SOX6: variants seen among roughly 807,000 people sequenced by gnomAD.
SOX6 encodes transcription factor SOX-6.
A neutral mutation model predicts 97.8 loss-of-function variants in SOX6; 11 were observed. The observed-to-expected ratio is 0.11, with a 90% CI of 0.07 to 0.19. The LOEUF (loss-of-function observed/expected upper bound fraction) is 0.19. Among genes scored for constraint, SOX6 ranks in the 10% least tolerant of loss-of-function variants. The pLI, the probability that SOX6 is intolerant of heterozygous loss-of-function variation, is 1.00. For synonymous variants in SOX6, 360 were observed against 371.4 expected, an observed-to-expected ratio of 0.97 and a Z score of 0.35; for missense variants, 810 against 1,039.5, an observed-to-expected ratio of 0.78 and a Z score of 3.04.
In SOX6 at chr11:15,999,100, A is replaced by G. The variant is rs529373885; in HGVS notation, c.1733-9870T>C. Among the ~76,000 whole-genome samples, 24 of 152,266 alleles carry G rather than the reference A, an allele frequency of 1.6e-4. No individual in the cohort carries two copies. In the South Asian group the frequency reaches 4.6e-3, roughly 29 times the overall value. ...TAAAATGGACAATAGACTTAAATGA[A>G]CATTTTACAAAAAAGGATATAGTTA... On this transcript the variant is annotated intron_variant, in intron 13 of 15. Coordinates refer to ENST00000683767, the MANE Select transcript of SOX6 (RefSeq NM_001367873.1).
intron 1 of SOX6, among the ~76,000 whole-genome samples, chr11:16,351,499 G>A (rs1856944746): frequency 6.6e-6 from 1 of 151,946 alleles, no homozygotes; most frequent in Non-Finnish European, 1.5e-5. Flanking sequence ...CCTTCATCAA[G>A]CCACTCTCCT....
intron 3 of SOX6, among the ~76,000 whole-genome samples, chr11:16,271,764 A>C (rs1854267554): frequency 6.6e-6 from 1 of 151,424 alleles, no homozygotes; most frequent in Non-Finnish European, 1.5e-5. Flanking sequence ...TTACTGATCA[A>C]TTTAGTTAAA....
At chr11:16,330,380 C>A (rs1055946760) in intron 2 of SOX6, among the ~76,000 whole-genome samples, 4 of 152,010 alleles carry the variant, frequency 2.6e-5, no homozygotes, top group African/African-American at 9.7e-5. Flanking sequence ...ATGGTGAAAC[C>A]CCGTCTCCAC....
At chr11:16,480,122 C>T (rs1860319017), upstream of SOX6, among the ~76,000 whole-genome samples, 1 of 151,922 alleles carries the variant, frequency 6.6e-6, no homozygotes, top group East Asian at 1.9e-4. Context: ...ATATCAAATA[C>T]TTATGTGAAA....
chr11:16,283,823 CT>C, intron 3 of SOX6: 1 of 355,040 alleles, frequency 2.8e-6, no homozygotes, highest in Non-Finnish European at 5.4e-6. Context: ...ATTTCAGTTA[CT>C]TTTTAAAAAG....
chr11:16,454,475 A>C (rs1166293791), intron 1 of SOX6, among the ~76,000 whole-genome samples: 1 of 152,044 alleles, frequency 6.6e-6, no homozygotes, highest in East Asian at 1.9e-4. Flanking sequence ...TGTACTAGGA[A>C]AGGTAATGTT....
At chr11:16,063,631 T>C (rs1399522234) in intron 9 of SOX6, among the ~76,000 whole-genome samples, 4 of 142,714 alleles carry the variant, frequency 2.8e-5, no homozygotes, top group African/African-American at 1.0e-4. Context: ...CCTTTTCTCA[T>C]TATAAACATA....
rs143882540 is a variant in SOX6, at chr11:16,550,357, C to T, written n.609+61724G>A. Among the ~76,000 whole-genome samples the T allele has an allele frequency of 7.7e-3, 1,177 of 152,022 alleles. 14 individuals carry two copies. The highest frequency in any genetic ancestry group is 0.027 in the African/African-American group (1,102 of 41,452). ...GGAGGGATAGCATTAGGAGATATAC[C>T]TAATGTAAATGACGAGTTAATGGGT... On this transcript the variant is annotated intron_variant and non_coding_transcript_variant, in intron 4 of 5. Coordinates refer to the SOX6 transcript ENST00000524520.
chr11:16,563,811 A>G (rs1353310204), intron 4 of SOX6, among the ~76,000 whole-genome samples: 3 of 152,224 alleles, frequency 2.0e-5, no homozygotes, highest in African/African-American at 7.2e-5. Flanking sequence ...AAGATACATC[A>G]TATTAAACTT....
At chr11:16,295,105 G>C (rs1050884954) in intron 3 of SOX6, among the ~76,000 whole-genome samples, 1 of 151,978 alleles carries the variant, frequency 6.6e-6, no homozygotes, top group Non-Finnish European at 1.5e-5. Context: ...TGTTCATGTA[G>C]ATTTAGAAAA....
chr11:16,165,131 C>A (rs950709822), intron 6 of SOX6, among the ~76,000 whole-genome samples: 1 of 152,122 alleles, frequency 6.6e-6, no homozygotes, highest in Non-Finnish European at 1.5e-5. Context: ...TTGGTATTTG[C>A]AAGCCACAAA....
intron 6 of SOX6, among the ~76,000 whole-genome samples, chr11:16,155,450 C>A (rs561486063): frequency 3.3e-5 from 5 of 152,216 alleles, no homozygotes; most frequent in Non-Finnish European, 7.4e-5. Context: ...GTCTAACATA[C>A]AGTAAACACT....
intron 3 of SOX6, among the ~76,000 whole-genome samples, chr11:16,666,914 A>C (rs2134022109): frequency 6.6e-6 from 1 of 152,296 alleles, no homozygotes; most frequent in African/African-American, 2.4e-5. Flanking sequence ...TTAAAGAGAA[A>C]GTAGAGGGAG....
At chr11:16,146,504 G>T (rs527282196) in intron 6 of SOX6, among the ~76,000 whole-genome samples, 2 of 152,136 alleles carry the variant, frequency 1.3e-5, no homozygotes, top group Admixed American at 6.6e-5. Context: ...TGACAAATGG[G>T]ATCTAATTAA....
chr11:16,457,350 C>G (rs962702163), intron 1 of SOX6, among the ~76,000 whole-genome samples: 1 of 152,066 alleles, frequency 6.6e-6, no homozygotes, highest in African/African-American at 2.4e-5. Context: ...ATCAGTTACA[C>G]TCATGTATAT....
intron 15 of SOX6, among the ~76,000 whole-genome samples, chr11:15,983,570 A>T (rs1247193182): frequency 6.6e-6 from 1 of 152,120 alleles, no homozygotes; most frequent in Non-Finnish European, 1.5e-5. Context: ...TAATAACCTC[A>T]TATGTAATAA....
chr11:16,681,850 T>C (rs1185456801), intron 3 of SOX6, among the ~76,000 whole-genome samples: 2 of 152,130 alleles, frequency 1.3e-5, no homozygotes, highest in Non-Finnish European at 2.9e-5. Context: ...ACAAATAAAC[T>C]AGAAAATCTA....
chr11:16,446,941 TACTTTCC>T (rs1859623257), intron 1 of SOX6, among the ~76,000 whole-genome samples: 3 of 149,442 alleles, frequency 2.0e-5, no homozygotes, highest in Non-Finnish European at 3.0e-5. Flanking sequence ...TTTCTTTCTT[TACTTTCC>T]TCCTTCTTTC....
intron 1 of SOX6, among the ~76,000 whole-genome samples, chr11:16,349,936 C>A (rs965097041): frequency 6.6e-6 from 1 of 152,128 alleles, no homozygotes; most frequent in Non-Finnish European, 1.5e-5. Context: ...ATAGCTAATG[C>A]CTGATATGCC....
Sources: gnomAD v4.1 joint callset for allele counts (sites outside exome capture counted in the v4.1 genomes callset) on GRCh38, gnomAD v4.1.1 for gene constraint, MANE v1.5 for transcripts, NCBI Gene and HGNC (gene_info 2026-07-23, HGNC 2026-07-21) for gene names.